PGM5: variants seen among roughly 807,000 people sequenced by gnomAD.
The protein encoded by PGM5 is phosphoglucomutase 5.
Under a neutral mutation model 59.2 loss-of-function variants are expected in PGM5, and 23 were observed. That is an observed-to-expected ratio of 0.39 (90% CI 0.28 to 0.55). The LOEUF (loss-of-function observed/expected upper bound fraction) is 0.55, where lower values mean the gene tolerates loss of function less well. Among genes scored for constraint, PGM5 ranks in the 20% least tolerant of loss-of-function variants. The pLI, the probability that PGM5 is intolerant of heterozygous loss-of-function variation, is 0.66. For synonymous variants in PGM5, 214 were observed against 286.0 expected, an observed-to-expected ratio of 0.75 and a Z score of 2.54; for missense variants, 574 against 748.3, an observed-to-expected ratio of 0.77 and a Z score of 2.72.
chr9:68,407,605 T>G (rs1822846482), intron 6 of PGM5, among the ~76,000 whole-genome samples: 1 of 152,212 alleles, frequency 6.6e-6, no homozygotes, highest in Non-Finnish European at 1.5e-5. Flanking sequence ...AACACATCTG[T>G]GTCTCTGTAT....
At chr9:68,523,867 T>G (rs1400655113) in intron 10 of PGM5, among the ~76,000 whole-genome samples, 1 of 152,200 alleles carries the variant, frequency 6.6e-6, no homozygotes, top group Non-Finnish European at 1.5e-5. Context: ...TGATTCTGGT[T>G]AGGGTATTGT....
chr9:68,466,824 C>T (rs1051378768), intron 7 of PGM5, among the ~76,000 whole-genome samples: 2 of 152,194 alleles, frequency 1.3e-5, no homozygotes, highest in South Asian at 4.1e-4. Flanking sequence ...AAGTCTGTAA[C>T]ACAAAATACA....
intron 6 of PGM5, among the ~76,000 whole-genome samples, chr9:68,402,945 A>G (rs1822708400): frequency 6.6e-6 from 1 of 152,206 alleles, no homozygotes; most frequent in Non-Finnish European, 1.5e-5. Flanking sequence ...TGCTTGCTAA[A>G]TATCACTGAT....
At chr9:68,431,384 G>A (rs868923847) in intron 6 of PGM5, among the ~76,000 whole-genome samples, 4 of 152,308 alleles carry the variant, frequency 2.6e-5, no homozygotes, top group Middle Eastern at 6.8e-3. Context: ...AGCTGATCAG[G>A]CAAAGACAAA....
intron 6 of PGM5, chr9:68,427,019 A>G (rs1323221050): frequency 6.6e-6 from 1 of 152,222 alleles, no homozygotes; most frequent in Non-Finnish European, 1.5e-5. Context: ...TAGGCTCCTT[A>G]TGGTCACCTG....
At chr9:68,463,165 G>A (rs781916745) in intron 6 of PGM5, among the ~76,000 whole-genome samples, 24 of 151,658 alleles carry the variant, frequency 1.6e-4, no homozygotes, top group Non-Finnish European at 2.6e-4. Flanking sequence ...ACCTTCCCAT[G>A]GCAAGAGTTT....
chr9:68,444,592 C>G (rs773790612), intron 6 of PGM5, among the ~76,000 whole-genome samples: 8 of 152,190 alleles, frequency 5.3e-5, no homozygotes, highest in Non-Finnish European at 7.3e-5. Context: ...TCACTTCACT[C>G]AAGATTCAGC....
At chr9:68,472,913 A>G (rs1824044750) in intron 7 of PGM5, among the ~76,000 whole-genome samples, 1 of 152,184 alleles carries the variant, frequency 6.6e-6, no homozygotes, top group Non-Finnish European at 1.5e-5. Context: ...CTGCGCTTGC[A>G]CCTGGCTCTG....
chr9:68,490,474 C>T (rs1407200866), intron 9 of PGM5, among the ~76,000 whole-genome samples: 1 of 152,168 alleles, frequency 6.6e-6, no homozygotes, highest in Non-Finnish European at 1.5e-5. Context: ...CCTGCCTCAG[C>T]CCCCCGAGTA....
chr9:68,379,056 G>A (rs578086984), intron 2 of PGM5, among the ~76,000 whole-genome samples: 3 of 152,092 alleles, frequency 2.0e-5, no homozygotes, highest in African/African-American at 7.2e-5. Flanking sequence ...AAATATTTTT[G>A]TATGCATCTC....
Position 68,463,405 on chromosome 9 carries a change from G to A in PGM5, c.1044-1688G>A, listed in dbSNP as rs539690713. Among the ~76,000 whole-genome samples the A allele has an allele frequency of 2.8e-4, 43 of 152,212 alleles. 2 individuals carry two copies. In the South Asian group the frequency reaches 8.5e-3, roughly 30 times the overall value. On this transcript the variant is annotated intron_variant, in intron 6 of 10. Transcript: ENST00000396396. ...TTCAGTTGCTAGCTCTGGGGAAGAT[G>A]AAACTCTTCAGGCCAATGTCTGTGG...
chr9:68,458,667 A>G (rs1294667819), intron 6 of PGM5, among the ~76,000 whole-genome samples: 2 of 152,326 alleles, frequency 1.3e-5, no homozygotes, highest in South Asian at 2.1e-4. Flanking sequence ...AGTTTAGACC[A>G]GGCTGAAATA....
chr9:68,359,035 C>A (rs571460202), intron 1 of PGM5, among the ~76,000 whole-genome samples: 1 of 152,040 alleles, frequency 6.6e-6, no homozygotes, highest in Non-Finnish European at 1.5e-5. Context: ...TACTTCTTCC[C>A]GAGCCAATTT....
intron 8 of PGM5, among the ~76,000 whole-genome samples, chr9:68,480,901 G>A (rs1824187094): frequency 6.6e-6 from 1 of 152,108 alleles, no homozygotes; most frequent in African/African-American, 2.4e-5. Context: ...TGTGAACCTA[G>A]GTATGCTAGA....
intron 9 of PGM5, among the ~76,000 whole-genome samples, chr9:68,487,963 A>G (rs1005207248): frequency 1.3e-5 from 2 of 152,224 alleles, no homozygotes; most frequent in Non-Finnish European, 2.9e-5. Flanking sequence ...GTGAAATAGG[A>G]ATAATAATTG....
chr9:68,458,448 A>T (rs1282789797), intron 6 of PGM5, among the ~76,000 whole-genome samples: 7 of 152,250 alleles, frequency 4.6e-5, no homozygotes, highest in Admixed American at 4.6e-4. Context: ...ACTATGAGAC[A>T]TGCAGTTATC....
intron 10 of PGM5, among the ~76,000 whole-genome samples, chr9:68,520,688 C>T (rs1258820999): frequency 1.3e-5 from 2 of 152,176 alleles, no homozygotes; most frequent in African/African-American, 2.4e-5. Context: ...ATCATCTCTT[C>T]ATGATAAAAA....
intron 6 of PGM5, among the ~76,000 whole-genome samples, chr9:68,462,293 C>T (rs1349194072): frequency 1.3e-5 from 2 of 152,122 alleles, no homozygotes; most frequent in Admixed American, 6.6e-5. Flanking sequence ...AGCTTTTGTA[C>T]TAGAGAATTT....
chr9:68,513,530 G>A (rs782442078), intron 10 of PGM5, among the ~76,000 whole-genome samples: 23 of 152,184 alleles, frequency 1.5e-4, no homozygotes, highest in Non-Finnish European at 2.8e-4. Flanking sequence ...AAGCAAACAC[G>A]TGACATTCAG....
Sources: gnomAD v4.1 joint callset for allele counts (sites outside exome capture counted in the v4.1 genomes callset) on GRCh38, gnomAD v4.1.1 for gene constraint, MANE v1.5 for transcripts, NCBI Gene and HGNC (gene_info 2026-07-23, HGNC 2026-07-21) for gene names.